Variants in DST observed in about 807,000 individuals in gnomAD.
The protein encoded by DST is bullous pemphigoid antigen.
In DST, 253 loss-of-function variants were observed where a neutral mutation model predicts 875.2. The ratio of observed to expected loss-of-function variants is 0.29; its 90% CI spans 0.26 to 0.32. The LOEUF is 0.32. DST is among the 10% of genes least tolerant of loss of function. The pLI, the probability that DST is intolerant of heterozygous loss-of-function variation, is 1.00. For synonymous variants in DST, 3,124 were observed against 3,197.1 expected (o/e 0.98, Z 0.77); for missense variants, 8,287 against 9,111.6 (o/e 0.91, Z 3.68).
chr6:56,581,227 C>A (rs918601860), intron 49 of DST, among the ~76,000 whole-genome samples: 1 of 151,740 alleles, frequency 6.6e-6, no homozygotes, highest in African/African-American at 2.4e-5. Context: ...AATTGGAAGT[C>A]AAGATACACA....
intron 36 of DST, among the ~76,000 whole-genome samples, chr6:56,624,086 T>C (rs1351185050): frequency 6.6e-6 from 1 of 152,112 alleles, no homozygotes; most frequent in Non-Finnish European, 1.5e-5. Flanking sequence ...TGTATAATAA[T>C]TTTAACTTCT....
Position 56,463,775 on chromosome 6 carries a change from C to T in DST, c.22760-11G>A. On this transcript the variant is annotated splice_polypyrimidine_tract_variant and intron_variant, in intron 100 of 103. Transcript: ENST00000680361. ...TTGTCCTTCCTTTGGCTGGGTTATA[C>T]ACACACAACAATGCACACAAAGAAA... 2.5e-6 allele frequency: 4 copies of T among 1,613,654 alleles called. No homozygotes were observed. Among genetic ancestry groups the T allele is most frequent in the Non-Finnish European group, 3.4e-6 (4 of 1,179,678 alleles).
rs116574544 is a variant in DST, at chr6:56,691,423, G to C, written c.1047+8230C>G. ...AGAAACCAAGGTCAGTGATGATGGC[G>C]CACACTAACCCTCATAAAACCTCAT... is the stretch of plus-strand genomic sequence containing the variant. On this transcript the variant is annotated intron_variant, in intron 9 of 103. Transcript: ENST00000680361. Among the ~76,000 whole-genome samples the C allele has an allele frequency of 1.3e-5, 2 of 152,098 alleles. 1 individual carries two copies. The highest frequency in any genetic ancestry group is 4.1e-4 in the South Asian group (2 of 4,822).
chr6:56,824,517 T>C (rs2099777153), intron 4 of DST, among the ~76,000 whole-genome samples: 3 of 149,824 alleles, frequency 2.0e-5, no homozygotes, highest in African/African-American at 7.5e-5. Flanking sequence ...GTCTGGAAAG[T>C]GAGGAGCGTC....
At chr6:56,688,241 A>G (rs1466123029) in intron 9 of DST, among the ~76,000 whole-genome samples, 1 of 152,258 alleles carries the variant, frequency 6.6e-6, no homozygotes, top group Non-Finnish European at 1.5e-5. Context: ...GAGTTAGTCA[A>G]TTATAGAATG....
intron 9 of DST, among the ~76,000 whole-genome samples, chr6:56,697,014 C>T (rs990007132): frequency 6.6e-6 from 1 of 152,116 alleles, no homozygotes; most frequent in Admixed American, 6.6e-5. Flanking sequence ...ATCTGTACCT[C>T]TGGCTTCTCA....
chr6:56,527,754 T>G lies in DST; in HGVS notation c.17681-20A>C, dbSNP rs1486172228. 44 of 1,579,462 alleles carry G rather than the reference T, an allele frequency of 2.8e-5. No individual in the cohort carries two copies. The highest frequency in any genetic ancestry group is 3.8e-5 in the Non-Finnish European group (44 of 1,162,392). On this transcript the variant is annotated intron_variant, in intron 67 of 103. Transcript: ENST00000680361. ...CATCACCTAAAATTTCAAAGTCACG[T>G]TATTTCTTATGAAGGAAAAAAAAGG... is the stretch of plus-strand genomic sequence containing the variant.
rs763177967 is a variant in DST, at chr6:56,618,866, A to G, written c.4930-4382T>C. On this transcript the variant is annotated intron_variant, in intron 36 of 103. Transcript: ENST00000680361. ...CTGCTCCTCTATGGTCTTTAAGTGT[A>G]ATTCGTCTTGTACTTTTTTCAACCT... The G allele has an allele frequency of 7.4e-6, 12 of 1,614,082 alleles. No individual in the cohort carries two copies. In the Admixed American group the frequency reaches 1.8e-4, roughly 25 times the overall value.
intron 4 of DST, among the ~76,000 whole-genome samples, chr6:56,806,616 G>C (rs914909499): frequency 6.6e-6 from 1 of 152,202 alleles, no homozygotes; most frequent in African/African-American, 2.4e-5. Context: ...GGAGCCCTGA[G>C]CAGCTGCTAC....
At chr6:56,746,164 T>C (rs920583171) in intron 4 of DST, among the ~76,000 whole-genome samples, 5 of 152,048 alleles carry the variant, frequency 3.3e-5, no homozygotes, top group African/African-American at 1.2e-4. Context: ...TTAAAATTTT[T>C]TGTAGAGATA....
In DST at chr6:56,916,778, TCACACA is replaced by T. The variant is rs70989742; in HGVS notation, c.217-16163_217-16158del. Among the ~76,000 whole-genome samples, 84 of 91,344 alleles carry T rather than the reference TCACACA, an allele frequency of 9.2e-4. 1 individual carries two copies. Among genetic ancestry groups the T allele is most frequent in the African/African-American group, 1.3e-3 (25 of 19,560 alleles). 59.9% of individuals were successfully genotyped at this position (91,344 alleles called of 152,430 possible). ...ATCTCTCTCTCTCTCTCTCTCTCTCTCACACACACACACACACACACACACACACAC... is the reference window on the plus strand; with the variant it reads ...ATCTCTCTCTCTCTCTCTCTCTCTCTCACACACACACACACACACACACAC... On this transcript the variant is annotated intron_variant, in intron 2 of 103. Coordinates refer to ENST00000680361, the MANE Select transcript of DST (RefSeq NM_001374736.1).
At position 56,922,466 on chromosome 6, in the gene DST, C is replaced by A. The variant is rs1022599868; in HGVS notation, c.217-21845G>T. On this transcript the variant is annotated intron_variant, in intron 2 of 103. Transcript: ENST00000680361. ...GACTTGGATGCCAAGAAGGTTGGAG[C>A]CTAGTTCATGAGGCACTGTCTTATA... Among the ~76,000 whole-genome samples the A allele has an allele frequency of 3.3e-5, 5 of 152,194 alleles. No homozygotes were observed. In the South Asian group the frequency reaches 1.0e-3, roughly 32 times the overall value.
intron 4 of DST, among the ~76,000 whole-genome samples, chr6:56,737,991 G>A (rs532701231): frequency 7.9e-4 from 120 of 152,280 alleles, no homozygotes; most frequent in African/African-American, 2.8e-3. Context: ...TCAACTTGTT[G>A]TAAGACTACT....
At chr6:56,837,200 TCTAA>T (rs2099794816) in intron 4 of DST, among the ~76,000 whole-genome samples, 2 of 152,260 alleles carry the variant, frequency 1.3e-5, no homozygotes, top group African/African-American at 4.8e-5. Context: ...CCAAGAAAGG[TCTAA>T]CTGTGATTAA....
At chr6:56,574,019 CTAATGCAT>C (rs2097822821) in intron 50 of DST, 132 bp from the exon 51 acceptor site, 12 of 611,014 alleles carry the variant, frequency 2.0e-5, no homozygotes, top group South Asian at 2.8e-5. Context: ...TGATAAATTC[CTAATGCAT>C]AATCAGAACA....
chr6:56,739,401 G>C (rs1481360269), intron 4 of DST, among the ~76,000 whole-genome samples: 1 of 152,052 alleles, frequency 6.6e-6, no homozygotes, highest in Admixed American at 6.5e-5. Flanking sequence ...TCTCTTCACT[G>C]ATAAGTGCAG....
intron 4 of DST, among the ~76,000 whole-genome samples, chr6:56,769,483 C>T (rs2152975243): frequency 6.6e-6 from 1 of 152,252 alleles, no homozygotes. Flanking sequence ...TCTGTACTTT[C>T]TGCCTAATTT....
At chr6:56,502,756 T>A (rs2096178202) in intron 78 of DST, among the ~76,000 whole-genome samples, 1 of 152,278 alleles carries the variant, frequency 6.6e-6, no homozygotes, top group East Asian at 1.9e-4. Flanking sequence ...GTGGTAAGGA[T>A]AAAATTCTCA....
chr6:56,616,807 A>G (rs764917520), intron 36 of DST: 2 of 1,614,186 alleles, frequency 1.2e-6, no homozygotes, highest in Non-Finnish European at 1.7e-6. Context: ...TCTTAGAAGA[A>G]TAAGAATATC....
Sources: gnomAD v4.1 joint callset for allele counts (sites outside exome capture counted in the v4.1 genomes callset) on GRCh38, gnomAD v4.1.1 for gene constraint, MANE v1.5 for transcripts, NCBI Gene and HGNC (gene_info 2026-07-23, HGNC 2026-07-21) for gene names.